The following RFX7 variants were observed in gnomAD, a reference collection of about 807,000 sequenced individuals.
The protein encoded by RFX7 is regulatory factor X7.
RFX7 carries 26 observed loss-of-function variants against 111.8 expected under a neutral mutation model. That is an observed-to-expected ratio of 0.23 (90% CI 0.17 to 0.32). RFX7 has a LOEUF of 0.32. RFX7 is among the 10% of genes least tolerant of loss of function. The pLI is 1.00. For synonymous variants in RFX7, 624 were observed against 624.4 expected, an observed-to-expected ratio of 1.00 and a Z score of 0.01; for missense variants, 1,573 against 1,772.9, an observed-to-expected ratio of 0.89 and a Z score of 2.02.
At chr15:56,144,556 C>T in intron 3 of RFX7, 73 bp from the exon 4 acceptor site, 1 of 670,416 alleles carries the variant, frequency 1.5e-6, no homozygotes, top group Non-Finnish European at 2.5e-6. Flanking sequence ...AATTTACTAA[C>T]ATCTCCCTAA....
In RFX7 at chr15:56,088,860, T is replaced by G. The variant is rs2041561554; in HGVS notation, c.*4485A>C. The G allele has an allele frequency of 6.6e-6, 1 of 152,218 alleles. No individual in the cohort carries two copies. 9.4% of individuals were successfully genotyped at this position (152,218 alleles called of 1,614,324 possible). A position where few individuals can be genotyped will look rare whatever the true frequency, so the allele number is the denominator to read the frequency against. On this transcript the variant is annotated 3_prime_UTR_variant, in exon 10 of 10. Transcript: ENST00000559447. ...ACTTAGTTCGGCAGATTTCAAATTC[T>G]TATTTTTTCTTCTACATAGTGTAGT...
At chr15:56,244,037 G>C (rs1448638831), upstream of RFX7, 1 of 151,086 alleles carries the variant, frequency 6.6e-6, no homozygotes, top group Non-Finnish European at 1.5e-5. Flanking sequence ...CTGGGGGCCG[G>C]GAGGAGTCCG....
chr15:56,196,929 C>T (rs2043151011), intron 2 of RFX7, among the ~76,000 whole-genome samples: 1 of 152,080 alleles, frequency 6.6e-6, no homozygotes, highest in Non-Finnish European at 1.5e-5. Flanking sequence ...AATATTCGCA[C>T]ACACACTACA....
intron 5 of RFX7, among the ~76,000 whole-genome samples, chr15:56,108,331 A>G (rs1349756682): frequency 6.6e-6 from 1 of 152,218 alleles, no homozygotes; most frequent in Non-Finnish European, 1.5e-5. Flanking sequence ...ATCCAGCAGC[A>G]TATCAAAAAG....
chr15:56,093,402 T>C lies in RFX7; in HGVS notation c.4326A>G (p.Ser1442=), dbSNP rs1355325896. The change falls in exon 10 of 10, where the codon TCA becomes TCG. Residue 1442 remains serine, a synonymous_variant. Coordinates refer to ENST00000559447, the MANE Select transcript of RFX7 (RefSeq NM_022841.7). ...TGCTTTCTATCCATTCAAAACCTGA[T>C]GAAGTCATAGAATTCATGGATTCAC... The part of the protein sequence containing the change: ...ICSESMNSMT[S]SGFEWIESKD... 6.2e-7 allele frequency: 1 copy of C among 1,613,642 alleles called. No homozygotes were observed. The highest frequency in any genetic ancestry group is 1.7e-5 in the Admixed American group (1 of 59,996).
chr15:56,174,898 T>C (rs369662152), intron 3 of RFX7, among the ~76,000 whole-genome samples: 1 of 152,322 alleles, frequency 6.6e-6, no homozygotes, highest in East Asian at 1.9e-4. Flanking sequence ...ATCACTGTTT[T>C]TTCCTTAAGA....
intron 5 of RFX7, among the ~76,000 whole-genome samples, chr15:56,133,698 A>G (rs1275418313): frequency 1.3e-5 from 2 of 152,176 alleles, no homozygotes; most frequent in Admixed American, 6.5e-5. Context: ...TTTAGACAAC[A>G]TAATTGTAAA....
chr15:56,128,727 A>C (rs573370644), intron 5 of RFX7, among the ~76,000 whole-genome samples: 76 of 152,294 alleles, frequency 5.0e-4, no homozygotes, highest in African/African-American at 1.8e-3. Flanking sequence ...TCAGGCAAGA[A>C]AATAAATGAG....
intron 8 of RFX7, among the ~76,000 whole-genome samples, chr15:56,100,047 G>A (rs955287080): frequency 3.3e-5 from 5 of 152,190 alleles, no homozygotes; most frequent in Admixed American, 3.3e-4. Flanking sequence ...GCAAACTGAA[G>A]GGTTCATTCC....
chr15:56,119,060 G>A (rs12438670), intron 5 of RFX7, among the ~76,000 whole-genome samples: 9,940 of 152,156 alleles, frequency 0.065, 448 homozygotes, highest in Admixed American at 0.1. Flanking sequence ...CTATAGAGTT[G>A]TTTGAGCTCC....
chr15:56,108,039 C>T (rs2041855275), intron 5 of RFX7, among the ~76,000 whole-genome samples: 1 of 152,116 alleles, frequency 6.6e-6, no homozygotes, highest in African/African-American at 2.4e-5. Flanking sequence ...ACCAATAACA[C>T]GTTCTGAAAT....
chr15:56,205,031 T>C (rs1052410291), intron 2 of RFX7, among the ~76,000 whole-genome samples: 3 of 152,194 alleles, frequency 2.0e-5, no homozygotes, highest in African/African-American at 4.8e-5. Flanking sequence ...AGAAGAGTAT[T>C]TTCCCCTAAG....
intron 2 of RFX7, among the ~76,000 whole-genome samples, chr15:56,232,463 G>T (rs537853083): frequency 2.0e-5 from 3 of 152,112 alleles, no homozygotes; most frequent in Non-Finnish European, 4.4e-5. Context: ...GTGATGGGAG[G>T]GGCTGCTATG....
chr15:56,148,453 T>C (rs184596923), intron 3 of RFX7, among the ~76,000 whole-genome samples: 6 of 152,308 alleles, frequency 3.9e-5, no homozygotes, highest in African/African-American at 1.4e-4. Flanking sequence ...TCAACATTCA[T>C]TTTTATATTA....
At chr15:56,217,286 A>T (rs1214319217) in intron 2 of RFX7, among the ~76,000 whole-genome samples, 2 of 152,218 alleles carry the variant, frequency 1.3e-5, no homozygotes, top group East Asian at 3.8e-4. Flanking sequence ...TAAAAACATT[A>T]ACAATAATTC....
chr15:56,094,809 C>A lies in RFX7; in HGVS notation c.2919G>T (p.Gln973His). Residue 973 changes from glutamine (Q) to histidine (H), a missense_variant, in exon 10 of 10, where the codon CAG (glutamine) becomes CAT (histidine). Gln to His is a conservative substitution (Grantham distance 24). Transcript: ENST00000559447. The stretch of plus-strand genomic sequence containing the variant: ...AGCAAGGGCTCTCCCGTGACAGACT[C>A]TGAGATCCAGCAATCATTTCAGATG... The part of the protein sequence containing the change: ...TPTSEMIAGS[Q>H]SLSRESPCSR... 6.3e-7 allele frequency: 1 copy of A among 1,589,238 alleles called. No individual in the cohort carries two copies.
chr15:56,235,477 G>A (rs374332911), intron 2 of RFX7, among the ~76,000 whole-genome samples: 1 of 152,102 alleles, frequency 6.6e-6, no homozygotes. Context: ...CAATACAGGT[G>A]CTCAAAACAG....
Position 56,096,609 on chromosome 15 carries a change from A to G in RFX7, c.1119T>C (p.Thr373=). 1 of 1,580,270 alleles carries G rather than the reference A, an allele frequency of 6.3e-7. No individual in the cohort carries two copies. The highest frequency in any genetic ancestry group is 8.6e-7 in the Non-Finnish European group (1 of 1,161,870). ...GACTCGGTGAAGTTACCAATTGCCT[A>G]GTCCGCTGGACCTGTTAAAAGATAG... ...AVPSPIPVQR[T]RQLVTSPSPM... Residue 373 remains threonine (T), a synonymous_variant, in exon 10 of 10, where the codon ACT becomes ACC. Transcript: ENST00000559447.
intron 9 of RFX7, among the ~76,000 whole-genome samples, chr15:56,096,933 A>T (rs773010141): frequency 6.6e-6 from 1 of 152,212 alleles, no homozygotes; most frequent in Non-Finnish European, 1.5e-5. Flanking sequence ...GGAAGAAGAC[A>T]TAAAATCTTG....
Sources: allele counts gnomAD v4.1 joint callset (sites outside exome capture counted in the v4.1 genomes callset), GRCh38; gene constraint gnomAD v4.1.1; transcripts MANE v1.5; gene names NCBI Gene and HGNC (gene_info 2026-07-23, HGNC 2026-07-21).